The following SCN9A variants were observed in gnomAD, a reference collection of about 807,000 sequenced individuals.
SCN9A encodes sodium channel protein type 9 subunit alpha.
A neutral mutation model predicts 187.0 loss-of-function variants in SCN9A; 131 were observed. The observed-to-expected ratio is 0.70, with a 90% CI of 0.61 to 0.81. The LOEUF (loss-of-function observed/expected upper bound fraction) is 0.81, where lower values mean the gene tolerates loss of function less well. Among genes scored for constraint, SCN9A ranks in the 30% least tolerant of loss-of-function variants. SCN9A has a pLI of 0.00. For missense variants in SCN9A, 2,252 were observed against 2,396.6 expected (o/e 0.94, Z 1.26); for synonymous variants, 809 against 808.6 (o/e 1.00, Z -0.01).
intron 1 of SCN9A, among the ~76,000 whole-genome samples, chr2:166,313,549 C>T (rs1699031686): frequency 6.6e-6 from 1 of 152,136 alleles, no homozygotes; most frequent in Non-Finnish European, 1.5e-5. Context: ...AGCTTCTTCA[C>T]CTCTCAGCCT....
chr2:166,339,016 C>G (rs1699700176), intron 1 of SCN9A, among the ~76,000 whole-genome samples: 1 of 152,068 alleles, frequency 6.6e-6, no homozygotes, highest in African/African-American at 2.4e-5. Context: ...AGAGTATGTA[C>G]CTGTTGCAAA....
chr2:166,216,598 C>T (rs1329552638), intron 24 of SCN9A, among the ~76,000 whole-genome samples: 1 of 151,720 alleles, frequency 6.6e-6, no homozygotes, highest in East Asian at 1.9e-4. Context: ...AATGAGGTAT[C>T]CAACAAAGAA....
intron 17 of SCN9A, among the ~76,000 whole-genome samples, chr2:166,256,063 C>T (rs1574816302): frequency 6.6e-6 from 1 of 151,110 alleles, no homozygotes; most frequent in East Asian, 2.0e-4. Flanking sequence ...CATAAGAGTC[C>T]AATATTTTCC....
At chr2:166,219,901 A>G (rs1364094094) in intron 24 of SCN9A, among the ~76,000 whole-genome samples, 1 of 152,206 alleles carries the variant, frequency 6.6e-6, no homozygotes, top group Non-Finnish European at 1.5e-5. Context: ...GTAGATCAAA[A>G]CATTGTTTTG....
chr2:166,307,921 C>T (rs1698809990), intron 2 of SCN9A, among the ~76,000 whole-genome samples: 1 of 152,180 alleles, frequency 6.6e-6, no homozygotes, highest in Admixed American at 6.5e-5. Flanking sequence ...CTTGTGTTAG[C>T]TGAAAGACAC....
At chr2:166,366,334 G>A (rs772335325) in intron 1 of SCN9A, among the ~76,000 whole-genome samples, 21 of 152,150 alleles carry the variant, frequency 1.4e-4, no homozygotes, top group Non-Finnish European at 1.2e-4. Context: ...CATGCATGCT[G>A]TCACAAATAG....
At chr2:166,327,748 G>T (rs1206302455) in intron 1 of SCN9A, among the ~76,000 whole-genome samples, 2 of 152,152 alleles carry the variant, frequency 1.3e-5, no homozygotes, top group Admixed American at 6.6e-5. Context: ...GAAATAAACA[G>T]TCAAATATAA....
intron 1 of SCN9A, among the ~76,000 whole-genome samples, chr2:166,343,105 T>C (rs1699823725): frequency 6.6e-6 from 1 of 152,190 alleles, no homozygotes; most frequent in African/African-American, 2.4e-5. Flanking sequence ...GTCTTATTCA[T>C]ATGAAATAAT....
intron 20 of SCN9A, among the ~76,000 whole-genome samples, chr2:166,234,508 A>G (rs1695228106): frequency 6.6e-6 from 1 of 152,214 alleles, no homozygotes; most frequent in Admixed American, 6.5e-5. Flanking sequence ...CATTGCTGTT[A>G]CCATCAGAGA....
At chr2:166,236,929 C>CT (rs1695342727) in intron 20 of SCN9A, among the ~76,000 whole-genome samples, 1 of 152,112 alleles carries the variant, frequency 6.6e-6, no homozygotes. Flanking sequence ...TTTTAAAGCA[C>CT]TTATTGGCAT....
intron 17 of SCN9A, among the ~76,000 whole-genome samples, chr2:166,258,439 A>G (rs182303742): frequency 6.6e-6 from 1 of 151,594 alleles, no homozygotes; most frequent in Admixed American, 6.6e-5. Context: ...AAAATTAAAC[A>G]TTTTGAACAC....
intron 13 of SCN9A, 34 bp from the exon 14 acceptor site, chr2:166,280,629 C>T (rs1697442284): frequency 1.6e-6 from 2 of 1,281,284 alleles, no homozygotes; most frequent in African/African-American, 3.0e-5. Flanking sequence ...TGGAGTCAGC[C>T]ATTTGTCTGT....
intron 17 of SCN9A, among the ~76,000 whole-genome samples, chr2:166,258,790 A>G (rs557153209): frequency 1.3e-5 from 2 of 151,700 alleles, no homozygotes; most frequent in African/African-American, 4.8e-5. Flanking sequence ...TTCTTCCACA[A>G]TTTTTTAGAG....
intron 17 of SCN9A, among the ~76,000 whole-genome samples, chr2:166,272,155 G>A (rs941928935): frequency 6.6e-6 from 1 of 152,012 alleles, no homozygotes; most frequent in South Asian, 2.1e-4. Context: ...ATGAAGCATG[G>A]GAAGGCTCAA....
At chr2:166,304,585 T>C (rs1698689514) in intron 5 of SCN9A, among the ~76,000 whole-genome samples, 1 of 152,170 alleles carries the variant, frequency 6.6e-6, no homozygotes, top group Admixed American at 6.5e-5. Context: ...GTTTCAATTG[T>C]TGGACCCTTA....
At chr2:166,324,758 A>C (rs1330779708) in intron 1 of SCN9A, among the ~76,000 whole-genome samples, 1 of 152,184 alleles carries the variant, frequency 6.6e-6, no homozygotes, top group Admixed American at 6.5e-5. Flanking sequence ...ATTCAGGAAC[A>C]TTCTACAAAA....
intron 24 of SCN9A, among the ~76,000 whole-genome samples, chr2:166,215,578 C>A (rs1189312999): frequency 1.3e-5 from 2 of 151,576 alleles, no homozygotes; most frequent in Non-Finnish European, 2.9e-5. Context: ...AGAAGGGAGA[C>A]TAACACTGAT....
intron 16 of SCN9A, among the ~76,000 whole-genome samples, chr2:166,276,026 T>C (rs78292490): frequency 0.026 from 3,935 of 152,256 alleles, 192 homozygotes; most frequent in African/African-American, 0.09. Context: ...AGATTTGATG[T>C]CAAGCTGACC....
intron 1 of SCN9A, among the ~76,000 whole-genome samples, chr2:166,345,783 C>G (rs952192622): frequency 2.0e-5 from 3 of 152,088 alleles, no homozygotes; most frequent in Non-Finnish European, 4.4e-5. Flanking sequence ...ACCTCCTCCC[C>G]AAATAAAATA....
Sources: gnomAD v4.1 joint callset for allele counts (sites outside exome capture counted in the v4.1 genomes callset) on GRCh38, gnomAD v4.1.1 for gene constraint, MANE v1.5 for transcripts, NCBI Gene and HGNC (gene_info 2026-07-23, HGNC 2026-07-21) for gene names.